Variants in DMD observed in about 807,000 individuals in gnomAD.
DMD encodes the protein mutant dystrophin.
Under a neutral mutation model 330.1 loss-of-function variants are expected in DMD, and 63 were observed. The observed-to-expected ratio is 0.19, with a 90% CI of 0.16 to 0.24. DMD has a LOEUF of 0.24. Ranked by LOEUF, DMD falls within the 10% of genes least tolerant of loss-of-function variation. The pLI, the probability that DMD is intolerant of heterozygous loss-of-function variation, is 1.00. For synonymous variants in DMD, 1,223 were observed against 959.8 expected (o/e 1.27, Z -5.07); for missense variants, 3,344 against 2,684.1 (o/e 1.25, Z -5.43).
chrX:31,715,459 C>CGT (rs777738617), intron 52 of DMD, among the ~76,000 whole-genome samples: 21 of 98,998 alleles, frequency 2.1e-4, no homozygotes, highest in Non-Finnish European at 3.4e-4. Flanking sequence ...AGGAGAATGG[C>CGT]GTGAACCCGG....
At chrX:32,168,727 T>A (rs770221426) in intron 44 of DMD, among the ~76,000 whole-genome samples, 8 of 111,121 alleles carry the variant, frequency 7.2e-5, no homozygotes, top group African/African-American at 2.6e-4. Context: ...AAATAATTGG[T>A]TCCTCTCTTC....
At chrX:32,799,099 C>G (rs1002748711) in intron 7 of DMD, among the ~76,000 whole-genome samples, 3 of 111,183 alleles carry the variant, frequency 2.7e-5, no homozygotes, top group Non-Finnish European at 5.7e-5. Flanking sequence ...ATCCTGCATG[C>G]ATACAAAGCC....
At chrX:32,865,120 TTTCC>T (rs1317107229) in intron 2 of DMD, among the ~76,000 whole-genome samples, 1 of 111,857 alleles carries the variant, frequency 8.9e-6, no homozygotes, top group Non-Finnish European at 1.9e-5. Context: ...CTTGGCTTAT[TTTCC>T]TTATGTGTCA....
intron 53 of DMD, among the ~76,000 whole-genome samples, chrX:31,670,028 C>CTCTT (rs995149211): frequency 2.7e-5 from 3 of 111,349 alleles, no homozygotes; most frequent in Non-Finnish European, 3.8e-5. Flanking sequence ...AGCCTTGCAT[C>CTCTT]TCTTTTATTC....
chrX:32,281,347 G>C (rs998226253), intron 43 of DMD, among the ~76,000 whole-genome samples: 1 of 112,392 alleles, frequency 8.9e-6, no homozygotes, highest in African/African-American at 3.2e-5. Flanking sequence ...TTTTCCTAAA[G>C]CTACACCTTC....
intron 1 of DMD, among the ~76,000 whole-genome samples, chrX:33,301,139 AC>A (rs1316957533): frequency 9.0e-6 from 1 of 111,492 alleles, no homozygotes; most frequent in Admixed American, 9.6e-5. Flanking sequence ...GGACCCTGAC[AC>A]CACTCAAGGC....
intron 17 of DMD, among the ~76,000 whole-genome samples, chrX:32,537,019 A>C (rs73207771): frequency 0.11 from 11,956 of 111,357 alleles, 577 homozygotes; most frequent in South Asian, 0.18. Context: ...GGATGTAGAA[A>C]AAAATAACAA....
intron 2 of DMD, among the ~76,000 whole-genome samples, chrX:32,939,614 T>C (rs1022534684): frequency 2.7e-5 from 3 of 112,001 alleles, no homozygotes; most frequent in Non-Finnish European, 3.8e-5. Context: ...GTGGATGATG[T>C]ATGAAATACA....
intron 44 of DMD, among the ~76,000 whole-genome samples, chrX:32,195,915 T>C (rs180790148): frequency 1.8e-5 from 2 of 112,202 alleles, no homozygotes; most frequent in Admixed American, 1.9e-4. Context: ...AAACAGTCTA[T>C]AAGACTAAGC....
At chrX:32,146,338 CAGGGAG>C (rs766402254) in intron 44 of DMD, among the ~76,000 whole-genome samples, 1 of 110,558 alleles carries the variant, frequency 9.0e-6, no homozygotes, top group South Asian at 3.9e-4. Context: ...GTGACAGAGA[CAGGGAG>C]AGGGAGAGGG....
rs754035822 is a variant in DMD at position 33,051,646 on chromosome X, A to ATTTTTTTTTTTTTTTTTTTTTTTT, written c.32-31447_32-31446insAAAAAAAAAAAAAAAAAAAAAAAA. On this transcript the variant is annotated intron_variant, in intron 1 of 78. Coordinates refer to ENST00000357033, the MANE Select transcript of DMD (RefSeq NM_004006.3). ...TAAGGAAAATATATAATTACGCTCT[A>ATTTTTTTTTTTTTTTTTTTTTTTT]TTTTTTTTTTTTTTTTTTTGAGACG... Among the ~76,000 whole-genome samples, 18 of 71,910 alleles carry ATTTTTTTTTTTTTTTTTTTTTTTT rather than the reference A, an allele frequency of 2.5e-4. 2 individuals are homozygous for ATTTTTTTTTTTTTTTTTTTTTTTT. Among genetic ancestry groups the ATTTTTTTTTTTTTTTTTTTTTTTT allele is most frequent in the African/African-American group, 1.0e-3 (16 of 15,363 alleles). 62.4% of individuals were successfully genotyped at this position (71,910 alleles called of 115,157 possible). A position where few individuals can be genotyped will look rare whatever the true frequency, so the allele number is the denominator to read the frequency against.
intron 52 of DMD, among the ~76,000 whole-genome samples, chrX:31,684,655 GA>G (rs1209947421): frequency 2.8e-4 from 31 of 112,129 alleles, no homozygotes; most frequent in African/African-American, 9.7e-4. Flanking sequence ...TCTTGTTTAA[GA>G]TGGATGAGAA....
intron 1 of DMD, among the ~76,000 whole-genome samples, chrX:33,054,847 G>A (rs2094499051): frequency 1.8e-5 from 2 of 111,984 alleles, no homozygotes; most frequent in South Asian, 3.7e-4. Context: ...GGCACATGAT[G>A]TCTTTCAATG....
At chrX:32,188,347 G>T (rs1016771033) in intron 44 of DMD, among the ~76,000 whole-genome samples, 2 of 106,582 alleles carry the variant, frequency 1.9e-5, no homozygotes, top group Non-Finnish European at 3.9e-5. Context: ...AGTCTTCCAG[G>T]CTTCCTGACT....
chrX:31,387,950 A>G (rs188317349), intron 60 of DMD, among the ~76,000 whole-genome samples: 14 of 110,082 alleles, frequency 1.3e-4, no homozygotes, highest in Admixed American at 1.9e-4. Flanking sequence ...ACTATTTAAA[A>G]TTGTTATATG....
intron 18 of DMD, chrX:32,517,780 G>C: frequency 2.3e-6 from 1 of 437,995 alleles, no homozygotes. Context: ...TGTAAGTTAA[G>C]GCAAGTTTAT....
rs1388525572 is a variant in DMD at position 31,321,607 on chromosome X, A to AAAAAAAAAAAAAAAAAAGAAAG, written c.9224+1990_9224+1991insCTTTCTTTTTTTTTTTTTTTTT. On this transcript the variant is annotated intron_variant, in intron 62 of 78. Coordinates refer to ENST00000357033, the MANE Select transcript of DMD (RefSeq NM_004006.3). ...TCAAAAAAAAAAAAAAAAAAAAAAA[A>AAAAAAAAAAAAAAAAAAGAAAG]AAAGAAAGAAACCAAGATTTTTATA... is the stretch of plus-strand genomic sequence containing the variant. Among the ~76,000 whole-genome samples the AAAAAAAAAAAAAAAAAAGAAAG allele has an allele frequency of 4.7e-4, 42 of 89,249 alleles. 1 individual carries two copies. Among genetic ancestry groups the AAAAAAAAAAAAAAAAAAGAAAG allele is most frequent in the African/African-American group, 1.6e-3 (27 of 16,975 alleles). The allele number at this position is 89,249 out of a possible 115,157, so 77.5% of individuals were successfully genotyped here. A position where few individuals can be genotyped will look rare whatever the true frequency, so the allele number is the denominator to read the frequency against.
At chrX:32,938,699 T>A (rs2090184435) in intron 2 of DMD, among the ~76,000 whole-genome samples, 1 of 111,692 alleles carries the variant, frequency 9.0e-6, no homozygotes, top group Non-Finnish European at 1.9e-5. Context: ...AACATTTATT[T>A]TTTGTCTTTA....
chrX:31,302,062 C>T (rs1436200724), intron 62 of DMD, among the ~76,000 whole-genome samples: 2 of 112,245 alleles, frequency 1.8e-5, no homozygotes, highest in African/African-American at 3.2e-5. Context: ...TCTCTGGTGG[C>T]CACAGCAGCA....
Sources: allele counts gnomAD v4.1 joint callset (sites outside exome capture counted in the v4.1 genomes callset), GRCh38; gene constraint gnomAD v4.1.1; transcripts MANE v1.5; gene names NCBI Gene and HGNC (gene_info 2026-07-23, HGNC 2026-07-21).